BLTP1: variants seen among roughly 807,000 people sequenced by gnomAD.
BLTP1 encodes bridge-like lipid transfer protein family member 1.
At chr4:122,258,457 T>C in the BLTP1 span, among the ~76,000 whole-genome samples, 4 of 152,248 alleles carry the variant, frequency 2.6e-5, no homozygotes, top group Admixed American at 6.5e-5. Context: ...CTGTGCTTTC[T>C]TGCGCTTAGT....
the BLTP1 span, chr4:122,276,200 G>T: frequency 1.9e-6 from 1 of 525,188 alleles, no homozygotes; most frequent in South Asian, 8.0e-5. Context: ...CACAGGTAAG[G>T]GCTGCTTTTT....
chr4:122,295,360 C>G, the BLTP1 span, among the ~76,000 whole-genome samples: 1 of 151,936 alleles, frequency 6.6e-6, no homozygotes, highest in Non-Finnish European at 1.5e-5. Context: ...GGGCAGCCAG[C>G]GAGAAAGGCC....
chr4:122,272,181 C>A, the BLTP1 span: 3 of 1,612,760 alleles, frequency 1.9e-6, no homozygotes, highest in African/African-American at 4.0e-5. Flanking sequence ...CCTACAGAGC[C>A]AACATGTAAA....
chr4:122,230,783 A>G, the BLTP1 span, among the ~76,000 whole-genome samples: 1 of 152,160 alleles, frequency 6.6e-6, no homozygotes, highest in Non-Finnish European at 1.5e-5. Flanking sequence ...CCCATTGTAT[A>G]TTTAATATGT....
At chr4:122,251,259 T>G in the BLTP1 span, 3 of 937,302 alleles carry the variant, frequency 3.2e-6, no homozygotes, top group East Asian at 2.3e-4. Flanking sequence ...TAGTATGTAA[T>G]AAGAATGTAG....
the BLTP1 span, chr4:122,219,087 G>T: frequency 1.1e-6 from 1 of 951,358 alleles, no homozygotes; most frequent in African/African-American, 1.8e-5. Context: ...CTGTAATTGG[G>T]GCAATGCCAT....
chr4:122,209,815 A>C, the BLTP1 span: 2 of 1,613,116 alleles, frequency 1.2e-6, no homozygotes, highest in Admixed American at 1.7e-5. Flanking sequence ...TTACTCTTCA[A>C]AGGTCTGGTT....
chr4:122,188,039 C>A, the BLTP1 span: 2 of 1,580,514 alleles, frequency 1.3e-6, no homozygotes, highest in Non-Finnish European at 8.6e-7. Context: ...TGAAAATGTT[C>A]GAGTCATGCT....
chr4:122,174,209 T>C, the BLTP1 span: 1 of 985,242 alleles, frequency 1.0e-6, no homozygotes, highest in South Asian at 4.7e-5. Flanking sequence ...TTCCATTAAT[T>C]TGAGGCAATG....
the BLTP1 span, among the ~76,000 whole-genome samples, chr4:122,278,670 T>C: frequency 6.6e-6 from 1 of 152,162 alleles, no homozygotes; most frequent in South Asian, 2.1e-4. Flanking sequence ...TTTTATCTGC[T>C]CCCCATGCGG....
chr4:122,219,708 C>T, the BLTP1 span: 3 of 577,918 alleles, frequency 5.2e-6, no homozygotes, highest in Non-Finnish European at 9.0e-6. Context: ...TTATAAAACT[C>T]ATGTATTTTC....
the BLTP1 span, chr4:122,306,856 C>A: frequency 5.0e-6 from 1 of 198,992 alleles, no homozygotes; most frequent in Non-Finnish European, 9.0e-6. Context: ...CATTTAAGAT[C>A]TTCATCAGTG....
chr4:122,200,025 G>A, the BLTP1 span: 2 of 976,550 alleles, frequency 2.0e-6, no homozygotes, highest in Non-Finnish European at 2.4e-6. Flanking sequence ...AACAAAAGCT[G>A]CTATGTAAAA....
At chr4:122,346,920 T>G in the BLTP1 span, 1 of 895,388 alleles carries the variant, frequency 1.1e-6, no homozygotes, top group Admixed American at 6.2e-5. Flanking sequence ...ACAAGGGATA[T>G]ATTAGCACTG....
At chr4:122,352,799 C>T in the BLTP1 span, 2 of 1,385,110 alleles carry the variant, frequency 1.4e-6, no homozygotes, top group Non-Finnish European at 2.0e-6. Flanking sequence ...CTGTTTTCAT[C>T]CCTCACCTGA....
chr4:122,357,317 C>T, the BLTP1 span, among the ~76,000 whole-genome samples: 1 of 152,074 alleles, frequency 6.6e-6, no homozygotes, highest in Non-Finnish European at 1.5e-5. Flanking sequence ...AATACCAGCA[C>T]TTTGGGATGC....
the BLTP1 span, chr4:122,220,279 TC>T: frequency 3.1e-5 from 49 of 1,580,806 alleles, no homozygotes; most frequent in Non-Finnish European, 4.0e-5. Context: ...TTCCTATACT[TC>T]CTTACTTTTT....
the BLTP1 span, among the ~76,000 whole-genome samples, chr4:122,222,349 C>T: frequency 1.3e-5 from 2 of 152,128 alleles, no homozygotes; most frequent in Non-Finnish European, 1.5e-5. Context: ...AGTCTCTTAA[C>T]TCAAGGCTTC....
chr4:122,356,166 T>C, the BLTP1 span, among the ~76,000 whole-genome samples: 1 of 152,210 alleles, frequency 6.6e-6, no homozygotes, highest in Admixed American at 6.5e-5. Context: ...AACCAACTTA[T>C]ACCTCTCTCT....
Sources: allele counts gnomAD v4.1 joint callset (sites outside exome capture counted in the v4.1 genomes callset), GRCh38; gene constraint gnomAD v4.1.1; transcripts MANE v1.5; gene names NCBI Gene and HGNC (gene_info 2026-07-23, HGNC 2026-07-21).